Variants in SLC7A5 observed in about 807,000 individuals in gnomAD.
SLC7A5 encodes large neutral amino acids transporter small subunit 1.
In SLC7A5, 23 loss-of-function variants were observed where a neutral mutation model predicts 50.2. The observed-to-expected ratio is 0.46, with a 90% CI of 0.33 to 0.65. The LOEUF is 0.65. SLC7A5 is among the 30% of genes least tolerant of loss of function. SLC7A5 has a pLI of 0.02. For synonymous variants in SLC7A5, 393 were observed against 330.6 expected, an observed-to-expected ratio of 1.19 and a Z score of -2.05; for missense variants, 578 against 684.4, an observed-to-expected ratio of 0.84 and a Z score of 1.73.
rs2047012254 is a variant in SLC7A5, at chr16:87,861,969, G to C, written c.538+6916C>G. Among the ~76,000 whole-genome samples, 2 of 152,226 alleles carry C rather than the reference G, an allele frequency of 1.3e-5. No homozygotes were observed. Among genetic ancestry groups the C allele is most frequent in the African/African-American group, 2.4e-5 (1 of 41,458 alleles). On this transcript the variant is annotated intron_variant, in intron 1 of 9. Coordinates refer to ENST00000261622, the MANE Select transcript of SLC7A5 (RefSeq NM_003486.7). The surrounding 1 kb of genome is among the most constrained non-coding windows in gnomAD (Gnocchi z 4.2). ...GCCGCCTGCAATGAGCCCACGGCTT[G>C]AGCTCTGGGGCCCACCCAGCTCCTT... is the stretch of plus-strand genomic sequence containing the variant.
chr16:87,840,279 G>C (rs1049225582), intron 4 of SLC7A5, 150 bp downstream of exon 4: 35 of 734,990 alleles, frequency 4.8e-5, no homozygotes, highest in Non-Finnish European at 7.7e-5. Flanking sequence ...GAAGCCACCC[G>C]CCCCACATCC....
At chr16:87,846,065 G>A (rs1490685121) in intron 2 of SLC7A5, among the ~76,000 whole-genome samples, 1 of 152,188 alleles carries the variant, frequency 6.6e-6, no homozygotes, top group Non-Finnish European at 1.5e-5. Flanking sequence ...CGAGGTCTTC[G>A]AGGCCCAAAA....
chr16:87,836,635 G>A lies in SLC7A5; in HGVS notation c.1153C>T (p.Leu385=). 6.2e-7 allele frequency: 1 copy of A among 1,612,772 alleles called. No individual in the cohort carries two copies. Among genetic ancestry groups the A allele is most frequent in the Non-Finnish European group, 8.5e-7 (1 of 1,180,014 alleles). The change falls in exon 8 of 10, where the codon CTG becomes TTG. Residue 385 remains leucine, a synonymous_variant. Coordinates refer to ENST00000261622, the MANE Select transcript of SLC7A5 (RefSeq NM_003486.7). ...PSLVFTCVMT[L]LYAFSKDIFS... ...ATGTCCTTGGAGAAGGCGTAGAGCA[G>A]CGTCATCACACACTGGAAGAGAGAG...
rs33938662 is a variant in SLC7A5, at chr16:87,851,791, G to A, written c.597C>T (p.Ala199=). Residue 199 remains alanine (A), a synonymous_variant, in exon 2 of 10, where the codon GCC becomes GCT. Coordinates refer to ENST00000261622, the MANE Select transcript of SLC7A5 (RefSeq NM_003486.7). Reference sequence around the variant, plus strand: ...GGGCCAGGAGCTTGGCGGCGGCAAAGGCATCCTGGACCCGGGTGGCGGCCT... The same window carrying A: ...GGGCCAGGAGCTTGGCGGCGGCAAAAGCATCCTGGACCCGGGTGGCGGCCT... ...SVKAATRVQD[A]FAAAKLLALA... The A allele has an allele frequency of 6.5e-4, 1,052 of 1,613,164 alleles. 6 individuals carry two copies. The African/African-American group carries it at 0.012, about 19-fold the overall frequency.
At chr16:87,855,701 C>T (rs2055308486) in intron 1 of SLC7A5, among the ~76,000 whole-genome samples, 1 of 152,122 alleles carries the variant, frequency 6.6e-6, no homozygotes, top group Admixed American at 6.5e-5. Context: ...GGGATGATCC[C>T]CCAGGGTCCA....
chr16:87,834,665 G>C (rs1365901311), intron 8 of SLC7A5, 74 bp from the exon 9 acceptor site: 1 of 1,435,200 alleles, frequency 7.0e-7, no homozygotes. Context: ...AGGTTCCTCA[G>C]CCCTCCTGGG....
At position 87,853,595 on chromosome 16, in the gene SLC7A5, T is replaced by A. The variant is rs9935894; in HGVS notation, c.539-1746A>T. 8.2e-4 allele frequency among the ~76,000 whole-genome samples: 125 copies of A among 152,090 alleles called. No individual in the cohort carries two copies. The highest frequency in any genetic ancestry group is 3.4e-3 in the Middle Eastern group (1 of 292). The stretch of plus-strand genomic sequence containing the variant: ...CAGGTCAGTGGGTCTAGGCAGCTCC[T>A]TGTCCGCTGCACAGGGCAAGGGGCA... On this transcript the variant is annotated intron_variant, in intron 1 of 9. Transcript: ENST00000261622. This position sits in a 1 kb window ranked among gnomAD's most constrained non-coding sequence, Gnocchi z 4.4.
rs1249413262 is a variant in SLC7A5, at chr16:87,831,818, AGGC to A, written c.*1149_*1151del. On this transcript the variant is annotated 3_prime_UTR_variant, in exon 10 of 10. Coordinates refer to ENST00000261622, the MANE Select transcript of SLC7A5 (RefSeq NM_003486.7). ...AGGGGTGCCCTAGTTCCCTCTCTGC[AGGC>A]GGGTGGGGACTGGGTGAGAGCCCAG... The A allele has an allele frequency of 6.6e-6, 1 of 152,332 alleles. No individual in the cohort carries two copies. The highest frequency in any genetic ancestry group is 1.5e-5 in the Non-Finnish European group (1 of 68,120). 9.4% of individuals were successfully genotyped at this position (152,332 alleles called of 1,614,324 possible).
Position 87,869,264 on chromosome 16 carries a change from G to A in SLC7A5, c.159C>T (p.Leu53=), listed in dbSNP as rs143017498. ...GVTLQRNITL[L]NGVAIIVGTI... The stretch of plus-strand genomic sequence containing the variant: ...TCCCCACGATGATGGCCACGCCGTT[G>A]AGCAGCGTGATGTTCCGCTGCAGGG... The change falls in exon 1 of 10, where the codon CTC becomes CTT. Residue 53 remains leucine (L), a synonymous_variant. Transcript: ENST00000261622. 4 of 1,612,482 alleles carry A rather than the reference G, an allele frequency of 2.5e-6. No homozygotes were observed. The South Asian group carries it at 3.3e-5, about 13-fold the overall frequency.
At chr16:87,864,020 G>A (rs148948180) in intron 1 of SLC7A5, among the ~76,000 whole-genome samples, 453 of 26,004 alleles carry the variant, frequency 0.017, 7 homozygotes, top group African/African-American at 0.034. Flanking sequence ...AGCCGAGTAG[G>A]CTGACTCACG....
rs1315297209 is a variant in SLC7A5 at position 87,833,761 on chromosome 16, T to A, written c.1468+653A>T. Among the ~76,000 whole-genome samples, 2 of 151,896 alleles carry A rather than the reference T, an allele frequency of 1.3e-5. No homozygotes were observed. Among genetic ancestry groups the A allele is most frequent in the African/African-American group, 2.4e-5 (1 of 41,342 alleles). Reference sequence around the variant, plus strand: ...GCCTTTTTCTACGAGCCTGGCCACATTTGCAGGCGCTGAGGACGGGGTCCT... The same window carrying A: ...GCCTTTTTCTACGAGCCTGGCCACAATTGCAGGCGCTGAGGACGGGGTCCT... On this transcript the variant is annotated intron_variant, in intron 9 of 9. Coordinates refer to ENST00000261622, the MANE Select transcript of SLC7A5 (RefSeq NM_003486.7). This position sits in a 1 kb window ranked among gnomAD's most constrained non-coding sequence, Gnocchi z 6.0.
At chr16:87,855,947 T>A (rs1466913656) in intron 1 of SLC7A5, among the ~76,000 whole-genome samples, 1 of 152,128 alleles carries the variant, frequency 6.6e-6, no homozygotes, top group East Asian at 1.9e-4. Flanking sequence ...CAGAGGCTGC[T>A]CCCTGGGCCG....
chr16:87,840,484 G>C lies in SLC7A5; in HGVS notation c.771-11C>G, dbSNP rs2055069489. ...AAATTCAAGTAATTCCTAAAATTTA[G>C]AGAACAGCGTTCAAATTATATGATC... On this transcript the variant is annotated splice_polypyrimidine_tract_variant and intron_variant, in intron 3 of 9. Coordinates refer to ENST00000261622, the MANE Select transcript of SLC7A5 (RefSeq NM_003486.7). The C allele has an allele frequency of 1.3e-6, 2 of 1,596,832 alleles. No individual in the cohort carries two copies. Among genetic ancestry groups the C allele is most frequent in the African/African-American group, 2.7e-5 (2 of 72,908 alleles).
rs1209086052 is a variant in SLC7A5 at position 87,837,876 on chromosome 16, A to G, written c.1109T>C (p.Leu370Pro). The G allele has an allele frequency of 6.2e-7, 1 of 1,608,026 alleles. No homozygotes were observed. Among genetic ancestry groups the G allele is most frequent in the Non-Finnish European group, 8.5e-7 (1 of 1,178,370 alleles). ...PSILSMIHPQ[L>P]LTPVPSLVFT... is the part of the protein sequence containing the mutation. ...CACGAGGGACGGCACGGGGGTGAGGAGCTGTGGGTGGATCATGGAGAGGAT... is the reference window on the plus strand; with the variant it reads ...CACGAGGGACGGCACGGGGGTGAGGGGCTGTGGGTGGATCATGGAGAGGAT... The change falls in exon 7 of 10, where the codon CTC becomes CCC. Residue 370 changes from leucine (L) to proline (P), a missense_variant. Leu to Pro is a moderately conservative substitution (Grantham distance 98). Coordinates refer to ENST00000261622, the MANE Select transcript of SLC7A5 (RefSeq NM_003486.7).
At chr16:87,848,339 C>T (rs1478701534) in intron 2 of SLC7A5, among the ~76,000 whole-genome samples, 1 of 152,238 alleles carries the variant, frequency 6.6e-6, no homozygotes, top group East Asian at 1.9e-4. Context: ...GAGGGACGTG[C>T]TGCTGCTGCT....
At chr16:87,867,815 C>T (rs913407530) in intron 1 of SLC7A5, among the ~76,000 whole-genome samples, 1 of 152,142 alleles carries the variant, frequency 6.6e-6, no homozygotes, top group African/African-American at 2.4e-5. Flanking sequence ...CCTGAAATCC[C>T]ACAAGAAAAC....
At chr16:87,864,162 C>T (rs1348782508) in intron 1 of SLC7A5, among the ~76,000 whole-genome samples, 4 of 150,864 alleles carry the variant, frequency 2.7e-5, no homozygotes, top group Admixed American at 2.0e-4. Flanking sequence ...CATGGTGGTG[C>T]ATGCCTGTAA....
intron 1 of SLC7A5, among the ~76,000 whole-genome samples, chr16:87,856,060 C>T (rs917548649): frequency 7.9e-5 from 12 of 152,192 alleles, no homozygotes; most frequent in African/African-American, 2.4e-4. Context: ...ATGATCCTCC[C>T]GGGCCCCTTC....
intron 1 of SLC7A5, among the ~76,000 whole-genome samples, chr16:87,864,417 T>C (rs1428216424): frequency 1.3e-5 from 2 of 152,152 alleles, no homozygotes; most frequent in Admixed American, 1.3e-4. Flanking sequence ...GGAGCGCCCA[T>C]CCTGCCCACT....
Sources: gnomAD v4.1 joint callset for allele counts (sites outside exome capture counted in the v4.1 genomes callset) on GRCh38, gnomAD v4.1.1 for gene constraint, Gnocchi (gnomAD v3.1) non-coding constraint, MANE v1.5 for transcripts, NCBI Gene and HGNC (gene_info 2026-07-23, HGNC 2026-07-21) for gene names.